MAPKAP1: variants seen among roughly 807,000 people sequenced by gnomAD.
MAPKAP1 encodes the protein MAPK associated protein 1, also known as target of rapamycin complex 2 subunit MAPKAP1.
Under a neutral mutation model 65.7 loss-of-function variants are expected in MAPKAP1, and 20 were observed. That is an observed-to-expected ratio of 0.30 (90% confidence interval 0.21 to 0.44). The LOEUF (loss-of-function observed/expected upper bound fraction) is 0.44. Among genes scored for constraint, MAPKAP1 ranks in the 20% least tolerant of loss-of-function variants. The probability of loss-of-function intolerance (pLI) is 1.00; values close to 1 mark genes in which losing one functional copy is unlikely to be tolerated. For missense variants in MAPKAP1, 423 were observed against 648.0 expected (o/e 0.65, Z 3.77); for synonymous variants, 222 against 244.3 (o/e 0.91, Z 0.85).
chr9:125,463,965 C>T (rs1853587846), intron 10 of MAPKAP1, among the ~76,000 whole-genome samples: 1 of 152,084 alleles, frequency 6.6e-6, no homozygotes, highest in South Asian at 2.1e-4. Flanking sequence ...TGAAATACAG[C>T]CTGAGTGTCT....
At chr9:125,539,648 A>G (rs548672497) in intron 7 of MAPKAP1, among the ~76,000 whole-genome samples, 1 of 152,254 alleles carries the variant, frequency 6.6e-6, no homozygotes, top group Non-Finnish European at 1.5e-5. Flanking sequence ...TATTCACTAA[A>G]TAACAGCTTA....
intron 7 of MAPKAP1, among the ~76,000 whole-genome samples, chr9:125,508,570 G>A (rs1023540275): frequency 1.3e-5 from 2 of 152,154 alleles, no homozygotes; most frequent in East Asian, 3.8e-4. Context: ...CATTTCCCAG[G>A]CTGAGTATGG....
intron 10 of MAPKAP1, among the ~76,000 whole-genome samples, chr9:125,451,873 G>A (rs986903111): frequency 1.3e-5 from 2 of 148,440 alleles, no homozygotes; most frequent in African/African-American, 2.5e-5. Flanking sequence ...GCAGTGGCGC[G>A]ATCTCAGCTC....
intron 7 of MAPKAP1, among the ~76,000 whole-genome samples, chr9:125,534,011 TAA>T (rs1169622474): frequency 6.6e-6 from 1 of 152,188 alleles, no homozygotes; most frequent in Non-Finnish European, 1.5e-5. Context: ...CACATTGAGT[TAA>T]AAAAGTAAAT....
chr9:125,561,433 A>G (rs184991330), intron 5 of MAPKAP1, among the ~76,000 whole-genome samples: 2 of 152,236 alleles, frequency 1.3e-5, no homozygotes, highest in African/African-American at 4.8e-5. Context: ...GATAACAAGA[A>G]AGTAATCTAG....
intron 1 of MAPKAP1, among the ~76,000 whole-genome samples, chr9:125,680,626 G>A (rs1276359887): frequency 1.3e-5 from 2 of 151,940 alleles, no homozygotes; most frequent in Non-Finnish European, 2.9e-5. Flanking sequence ...TCCATATTTT[G>A]ACTAAAAGTG....
chr9:125,535,948 G>A (rs555734120), intron 7 of MAPKAP1, among the ~76,000 whole-genome samples: 1 of 152,114 alleles, frequency 6.6e-6, no homozygotes, highest in South Asian at 2.1e-4. Flanking sequence ...ACTTATGACT[G>A]CCCAGATGAT....
intron 5 of MAPKAP1, among the ~76,000 whole-genome samples, chr9:125,566,097 G>A (rs1056753465): frequency 3.3e-5 from 5 of 152,192 alleles, no homozygotes; most frequent in African/African-American, 9.7e-5. Context: ...GGCCTCCTTG[G>A]CATGGCAAGG....
At chr9:125,443,249 G>C (rs1312066006) in intron 11 of MAPKAP1, among the ~76,000 whole-genome samples, 1 of 152,198 alleles carries the variant, frequency 6.6e-6, no homozygotes, top group Non-Finnish European at 1.5e-5. Context: ...TGTCTCATCT[G>C]ATTTGTACTC....
rs1854043303 is a variant in MAPKAP1, at chr9:125,474,773, T to A, written c.1208-6664A>T. On this transcript the variant is annotated intron_variant, in intron 9 of 11. Coordinates refer to ENST00000265960, the MANE Select transcript of MAPKAP1 (RefSeq NM_001006617.3). ...TTTCCTGTTATCATTTGCTCAGATATCATAAGCTGTGGTTCATTCATCAAT... is the reference window on the plus strand; with the variant it reads ...TTTCCTGTTATCATTTGCTCAGATAACATAAGCTGTGGTTCATTCATCAAT... 1.3e-5 allele frequency among the ~76,000 whole-genome samples: 2 copies of A among 152,204 alleles called. 1 individual carries two copies. The highest frequency in any genetic ancestry group is 4.2e-4 in the South Asian group (2 of 4,818).
At chr9:125,497,034 G>A (rs1461140447) in intron 8 of MAPKAP1, among the ~76,000 whole-genome samples, 1 of 152,104 alleles carries the variant, frequency 6.6e-6, no homozygotes, top group African/African-American at 2.4e-5. Flanking sequence ...AGGAGTAAAG[G>A]TAGGAACTGT....
intron 6 of MAPKAP1, among the ~76,000 whole-genome samples, chr9:125,544,883 C>T (rs1441926375): frequency 1.3e-5 from 2 of 152,232 alleles, no homozygotes; most frequent in African/African-American, 2.4e-5. Context: ...AGGTGGCTGA[C>T]TCTCCACAGG....
At chr9:125,548,033 C>A (rs1278251508) in intron 6 of MAPKAP1, among the ~76,000 whole-genome samples, 1 of 152,176 alleles carries the variant, frequency 6.6e-6, no homozygotes, top group South Asian at 2.1e-4. Context: ...TTATTGAACA[C>A]TTTCTATGGG....
chr9:125,640,412 TTA>T (rs1279584922), intron 4 of MAPKAP1, among the ~76,000 whole-genome samples: 1 of 151,964 alleles, frequency 6.6e-6, no homozygotes, highest in Admixed American at 6.6e-5. Context: ...CACATTCTGT[TTA>T]TCTCAGACTC....
chr9:125,688,506 T>C (rs780142960), intron 1 of MAPKAP1, among the ~76,000 whole-genome samples: 1 of 152,142 alleles, frequency 6.6e-6, no homozygotes, highest in Non-Finnish European at 1.5e-5. Flanking sequence ...ACTGGCTTCA[T>C]TCTGCTTATA....
chr9:125,687,945 G>GAC (rs1403994707), intron 1 of MAPKAP1, among the ~76,000 whole-genome samples: 1 of 152,134 alleles, frequency 6.6e-6, no homozygotes, highest in Non-Finnish European at 1.5e-5. Context: ...ATGAACAAAA[G>GAC]ACAGCAACAA....
intron 1 of MAPKAP1, among the ~76,000 whole-genome samples, chr9:125,686,851 C>A (rs1834996771): frequency 1.3e-5 from 2 of 151,346 alleles, no homozygotes; most frequent in African/African-American, 2.4e-5. Flanking sequence ...TTGAGAGACA[C>A]AGTCTTGATC....
intron 1 of MAPKAP1, among the ~76,000 whole-genome samples, chr9:125,673,696 G>T (rs188111157): frequency 6.6e-6 from 1 of 152,140 alleles, no homozygotes; most frequent in Non-Finnish European, 1.5e-5. Context: ...GAGGCAGGAG[G>T]ACTGCTTGAG....
intron 4 of MAPKAP1, among the ~76,000 whole-genome samples, chr9:125,637,526 T>G (rs1833460058): frequency 1.3e-5 from 2 of 152,268 alleles, no homozygotes; most frequent in East Asian, 1.9e-4. Flanking sequence ...AACAGAAGAT[T>G]TGGAATCAGA....
Sources: gnomAD v4.1 joint callset for allele counts (sites outside exome capture counted in the v4.1 genomes callset) on GRCh38, gnomAD v4.1.1 for gene constraint, MANE v1.5 for transcripts, NCBI Gene and HGNC (gene_info 2026-07-23, HGNC 2026-07-21) for gene names.